BMERB1: variants seen among roughly 807,000 people sequenced by gnomAD.
BMERB1 encodes the protein bMERB domain-containing protein 1.
In BMERB1, 12 loss-of-function variants were observed where a neutral mutation model predicts 23.6. The ratio of observed to expected loss-of-function variants is 0.51; its 90% CI spans 0.33 to 0.82. The LOEUF (loss-of-function observed/expected upper bound fraction) is 0.82. Ranked by LOEUF, BMERB1 falls within the 40% of genes least tolerant of loss-of-function variation. The pLI is 0.03. For missense variants in BMERB1, 247 were observed against 255.4 expected (o/e 0.97, Z 0.22); for synonymous variants, 122 against 96.6 (o/e 1.26, Z -1.54).
chr16:15,519,616 C>T (rs2051824485), intron 2 of BMERB1, among the ~76,000 whole-genome samples: 1 of 152,044 alleles, frequency 6.6e-6, no homozygotes. Flanking sequence ...GTCTTGAACT[C>T]CTGGCCTCAA....
intron 1 of BMERB1, among the ~76,000 whole-genome samples, chr16:15,440,383 A>T (rs1472570770): frequency 6.6e-6 from 1 of 152,116 alleles, no homozygotes. Context: ...CTACTATTTA[A>T]AAGTTCAAAG....
chr16:15,556,074 G>T (rs2030248736), intron 2 of BMERB1, among the ~76,000 whole-genome samples: 1 of 152,016 alleles, frequency 6.6e-6, no homozygotes, highest in Non-Finnish European at 1.5e-5. Context: ...AGCTACTTGG[G>T]AGGCTGAGGC....
At chr16:15,541,887 C>A (rs2052086399) in intron 2 of BMERB1, among the ~76,000 whole-genome samples, 1 of 149,518 alleles carries the variant, frequency 6.7e-6, no homozygotes, top group African/African-American at 2.5e-5. Context: ...CAGGCTTGAG[C>A]CACCATACCC....
At chr16:15,541,965 C>CA (rs2052088149) in intron 2 of BMERB1, among the ~76,000 whole-genome samples, 2 of 145,676 alleles carry the variant, frequency 1.4e-5, no homozygotes, top group African/African-American at 5.1e-5. Flanking sequence ...AGGCTGGTCT[C>CA]AAACTCCTGA....
At chr16:15,574,579 C>T (rs1183054511) in intron 3 of BMERB1, among the ~76,000 whole-genome samples, 4 of 151,710 alleles carry the variant, frequency 2.6e-5, no homozygotes, top group Admixed American at 6.6e-5. Context: ...TTTGCAATGG[C>T]GATTTCAGTG....
intron 2 of BMERB1, among the ~76,000 whole-genome samples, chr16:15,541,708 TCTC>T (rs1444976901): frequency 1.2e-4 from 18 of 150,792 alleles, no homozygotes; most frequent in Admixed American, 9.9e-4. Context: ...TTCATGCCAT[TCTC>T]CTGCCTCAGC....
intron 3 of BMERB1, among the ~76,000 whole-genome samples, chr16:15,578,091 C>T (rs965710929): frequency 1.1e-4 from 17 of 152,250 alleles, no homozygotes; most frequent in African/African-American, 3.9e-4. Context: ...CTTTCTTGCT[C>T]ATGGCTGCCT....
At chr16:15,569,329 G>T (rs1567502739) in intron 3 of BMERB1, among the ~76,000 whole-genome samples, 2 of 152,164 alleles carry the variant, frequency 1.3e-5, no homozygotes, top group African/African-American at 2.4e-5. Context: ...CTGCTGGAAG[G>T]CCTCAGGAAA....
At chr16:15,468,135 CTTTTTTTTTTTT>C (rs749534588) in intron 1 of BMERB1, among the ~76,000 whole-genome samples, 3 of 31,018 alleles carry the variant, frequency 9.7e-5, no homozygotes, top group East Asian at 7.1e-4. Flanking sequence ...CTTTCTTCTT[CTTTTTTTTTTTT>C]TTTTTTTTTT....
intron 1 of BMERB1, among the ~76,000 whole-genome samples, chr16:15,471,268 C>T (rs1259398537): frequency 2.0e-5 from 3 of 151,852 alleles, no homozygotes; most frequent in Non-Finnish European, 4.4e-5. Context: ...TCCAATTTGT[C>T]CAGCGTTGTT....
At chr16:15,547,643 A>C (rs1258346644) in intron 2 of BMERB1, among the ~76,000 whole-genome samples, 1 of 152,020 alleles carries the variant, frequency 6.6e-6, no homozygotes. Flanking sequence ...CTGCCTGCCC[A>C]GCCACTTTCA....
intron 1 of BMERB1, among the ~76,000 whole-genome samples, chr16:15,497,506 A>T (rs1249284451): frequency 6.6e-6 from 1 of 152,220 alleles, no homozygotes; most frequent in African/African-American, 2.4e-5. Flanking sequence ...ATCAAGAAAG[A>T]AAAAAACTGT....
intron 1 of BMERB1, among the ~76,000 whole-genome samples, chr16:15,488,923 A>AG (rs2051391894): frequency 6.7e-6 from 1 of 149,714 alleles, no homozygotes; most frequent in African/African-American, 2.4e-5. Flanking sequence ...AAAAAAAAAA[A>AG]GGAATGTACT....
chr16:15,521,579 G>A (rs2051854064), intron 2 of BMERB1, among the ~76,000 whole-genome samples: 1 of 152,144 alleles, frequency 6.6e-6, no homozygotes, highest in African/African-American at 2.4e-5. Flanking sequence ...CCATAAGTGA[G>A]CTCCCAGCAG....
At chr16:15,483,932 C>G (rs1170464326) in intron 1 of BMERB1, among the ~76,000 whole-genome samples, 1 of 152,140 alleles carries the variant, frequency 6.6e-6, no homozygotes, top group Non-Finnish European at 1.5e-5. Context: ...TTATTTGGCT[C>G]ATAGTTCTGC....
At chr16:15,446,818 A>G (rs538231610) in intron 1 of BMERB1, among the ~76,000 whole-genome samples, 1 of 152,198 alleles carries the variant, frequency 6.6e-6, no homozygotes, top group African/African-American at 2.4e-5. Context: ...TGAGGACTAC[A>G]TCTCACCACT....
At chr16:15,527,545 C>T (rs1439185833) in intron 2 of BMERB1, among the ~76,000 whole-genome samples, 2 of 152,058 alleles carry the variant, frequency 1.3e-5, no homozygotes, top group East Asian at 3.9e-4. Flanking sequence ...GCAGAGGTTG[C>T]AGTGAGCTGA....
At chr16:15,575,190 A>G (rs1024777286) in intron 3 of BMERB1, among the ~76,000 whole-genome samples, 4 of 152,220 alleles carry the variant, frequency 2.6e-5, no homozygotes, top group African/African-American at 9.6e-5. Context: ...ACTTAGAACA[A>G]GGAAAGATGG....
chr16:15,494,802 A>G (rs1310282035), intron 1 of BMERB1, among the ~76,000 whole-genome samples: 1 of 151,934 alleles, frequency 6.6e-6, no homozygotes, highest in Non-Finnish European at 1.5e-5. Flanking sequence ...TCCAGAAAGG[A>G]CTTAATGATC....
Sources: gnomAD v4.1 joint callset for allele counts (sites outside exome capture counted in the v4.1 genomes callset) on GRCh38, gnomAD v4.1.1 for gene constraint, MANE v1.5 for transcripts, NCBI Gene and HGNC (gene_info 2026-07-23, HGNC 2026-07-21) for gene names.